The following PTPN3 variants were observed in gnomAD, a reference collection of about 807,000 sequenced individuals.
The protein encoded by PTPN3 is tyrosine-protein phosphatase non-receptor type 3.
PTPN3 carries 96 observed loss-of-function variants against 132.7 expected under a neutral mutation model. The observed-to-expected ratio is 0.72, with a 90% CI of 0.61 to 0.86. The LOEUF is 0.86. PTPN3 is among the 40% of genes least tolerant of loss of function. The pLI, the probability that PTPN3 is intolerant of heterozygous loss-of-function variation, is 0.00. For synonymous variants in PTPN3, 398 were observed against 429.0 expected (o/e 0.93, Z 0.89); for missense variants, 1,125 against 1,159.6 (o/e 0.97, Z 0.43).
At chr9:109,393,285 T>C (rs1186152771) in intron 19 of PTPN3, among the ~76,000 whole-genome samples, 1 of 152,170 alleles carries the variant, frequency 6.6e-6, no homozygotes, top group Non-Finnish European at 1.5e-5. Context: ...TATTAACTTT[T>C]ATCTTACTTT....
chr9:109,460,534 C>A (rs532715830), intron 2 of PTPN3, among the ~76,000 whole-genome samples: 9 of 152,308 alleles, frequency 5.9e-5, no homozygotes, highest in Admixed American at 5.2e-4. Flanking sequence ...GCTACCCTCC[C>A]CCCTTGCTCA....
chr9:109,381,272 C>T (rs1839053979), intron 25 of PTPN3, among the ~76,000 whole-genome samples: 1 of 152,138 alleles, frequency 6.6e-6, no homozygotes. Flanking sequence ...GTGGAGGACA[C>T]AGCAGGTACT....
chr9:109,427,178 T>TA, intron 11 of PTPN3, 56 bp from the exon 12 acceptor site: 1 of 1,571,904 alleles, frequency 6.4e-7, no homozygotes, highest in Admixed American at 1.7e-5. Flanking sequence ...CAGGGACTTG[T>TA]AAGCATTTAA....
Position 109,438,143 on chromosome 9 carries a change from T to C in PTPN3, c.558A>G (p.Thr186=), listed in dbSNP as rs138152923. 474 of 1,614,032 alleles carry C rather than the reference T, an allele frequency of 2.9e-4. 2 individuals carry two copies. The African/African-American group carries it at 3.7e-3, about 13-fold the overall frequency. Residue 186 remains threonine (T), a synonymous_variant, in exon 8 of 26, where the codon ACA becomes ACG. Transcript: ENST00000374541. ...FIPDQNEDFL[T]KVESLHEQHS... ...GCTGCTCATGCAGAGATTCGACTTT[T>C]GTTAAAAAGTCCTCATTTTGATCGG... is the stretch of plus-strand genomic sequence containing the variant.
chr9:109,448,715 A>T, intron 6 of PTPN3, 96 bp downstream of exon 6: 1 of 1,234,458 alleles, frequency 8.1e-7, no homozygotes, highest in Non-Finnish European at 1.2e-6. Context: ...CACTCTGTTT[A>T]GATTTGATAT....
At position 109,382,289 on chromosome 9, in the gene PTPN3, G is replaced by A; in HGVS notation, c.2528+13C>T. On this transcript the variant is annotated intron_variant, in intron 24 of 25. Coordinates refer to ENST00000374541, the MANE Select transcript of PTPN3 (RefSeq NM_002829.4). ...AAAGGATTCCAAACCTAACAAAACAGCAAGCGCCATACCTGCAGTGAACTA... is the reference window on the plus strand; with the variant it reads ...AAAGGATTCCAAACCTAACAAAACAACAAGCGCCATACCTGCAGTGAACTA... 6.2e-7 allele frequency: 1 copy of A among 1,612,930 alleles called. No homozygotes were observed.
intron 4 of PTPN3, 26 bp downstream of exon 4, chr9:109,457,147 G>A (rs754145785): frequency 6.2e-6 from 10 of 1,608,156 alleles, no homozygotes; most frequent in Admixed American, 1.7e-5. Flanking sequence ...CCTAATGTTC[G>A]ACTGAAATGA....
chr9:109,401,580 T>G (rs1232712014), intron 19 of PTPN3, among the ~76,000 whole-genome samples: 1 of 151,298 alleles, frequency 6.6e-6, no homozygotes, highest in Admixed American at 6.6e-5. Context: ...GTGAAGGAGG[T>G]TTCATGAACA....
intron 19 of PTPN3, among the ~76,000 whole-genome samples, chr9:109,399,137 C>A (rs1479567179): frequency 2.6e-5 from 4 of 152,134 alleles, no homozygotes; most frequent in Admixed American, 2.6e-4. Context: ...TCAGCAATGG[C>A]GAGTTGCCGA....
At chr9:109,534,632 C>CAAAAAAAAAAAAAAAAAA in the PTPN3 span, among the ~76,000 whole-genome samples, 13 of 108,690 alleles carry the variant, frequency 1.2e-4, no homozygotes, top group South Asian at 3.7e-4. Flanking sequence ...CAAAAAAATA[C>CAAAAAAAAAAAAAAAAAA]AAAAAAAAAA....
chr9:109,523,604 T>G, the PTPN3 span, among the ~76,000 whole-genome samples: 51 of 152,402 alleles, frequency 3.3e-4, no homozygotes, highest in African/African-American at 1.2e-3. Context: ...GGCTCTGCAT[T>G]TCATTCTTTA....
the PTPN3 span, among the ~76,000 whole-genome samples, chr9:109,531,709 A>G: frequency 6.6e-6 from 1 of 152,164 alleles, no homozygotes; most frequent in South Asian, 2.1e-4. Flanking sequence ...GTTGTTACCC[A>G]GTACATCCCC....
intron 17 of PTPN3, among the ~76,000 whole-genome samples, chr9:109,407,302 G>A (rs186420054): frequency 1.1e-4 from 16 of 152,152 alleles, no homozygotes; most frequent in South Asian, 4.2e-4. Context: ...CAGGAGGATC[G>A]CTTGAGCCTA....
the PTPN3 span, among the ~76,000 whole-genome samples, chr9:109,504,160 T>C: frequency 6.6e-6 from 1 of 152,192 alleles, no homozygotes; most frequent in Admixed American, 6.5e-5. Flanking sequence ...AAGAATCTTC[T>C]GGTCAGAGAG....
chr9:109,421,267 T>C (rs903579825), intron 13 of PTPN3, among the ~76,000 whole-genome samples: 2 of 152,154 alleles, frequency 1.3e-5, no homozygotes, highest in African/African-American at 4.8e-5. Flanking sequence ...GAGGCCGTGT[T>C]CTCAGGGCAT....
At chr9:109,433,026 A>G in intron 10 of PTPN3, 47 bp downstream of exon 10, 1 of 1,603,222 alleles carries the variant, frequency 6.2e-7, no homozygotes, top group Non-Finnish European at 8.5e-7. Context: ...TGTTAGGCAT[A>G]TTTTTAAAGC....
chr9:109,467,882 C>T (rs1368871431), intron 1 of PTPN3, among the ~76,000 whole-genome samples: 6 of 152,164 alleles, frequency 3.9e-5, no homozygotes, highest in African/African-American at 1.4e-4. Context: ...TTCTCACACC[C>T]ATCTCTGATT....
intron 4 of PTPN3, 110 bp from the exon 5 acceptor site, chr9:109,454,684 C>A (rs1035915415): frequency 1.5e-5 from 12 of 813,870 alleles, no homozygotes; most frequent in Non-Finnish European, 2.4e-5. Flanking sequence ...ATAGCTTTTT[C>A]CATTATAAAA....
intron 1 of PTPN3, among the ~76,000 whole-genome samples, chr9:109,471,733 G>A (rs1846392669): frequency 2.0e-5 from 3 of 151,280 alleles, no homozygotes; most frequent in Admixed American, 2.0e-4. Context: ...TCAAACTCCT[G>A]GGCTCAAGCA....
Sources: allele counts gnomAD v4.1 joint callset (sites outside exome capture counted in the v4.1 genomes callset), GRCh38; gene constraint gnomAD v4.1.1; transcripts MANE v1.5; gene names NCBI Gene and HGNC (gene_info 2026-07-23, HGNC 2026-07-21).